ARSB: variants seen among roughly 807,000 people sequenced by gnomAD.
The protein encoded by ARSB is N-acetylgalactosamine-4-sulfatase.
Under a neutral mutation model 50.9 loss-of-function variants are expected in ARSB, and 41 were observed. The ratio of observed to expected loss-of-function variants is 0.81; its 90% confidence interval spans 0.63 to 1.04. The LOEUF (loss-of-function observed/expected upper bound fraction) is 1.04, where lower values mean the gene tolerates loss of function less well. Ranked by LOEUF, ARSB falls within the 50% of genes least tolerant of loss-of-function variation. The pLI is 0.00. For synonymous variants in ARSB, 269 were observed against 284.8 expected (o/e 0.94, Z 0.56); for missense variants, 672 against 693.3 (o/e 0.97, Z 0.35).
chr5:78,902,464 G>A (rs967897296), intron 4 of ARSB, among the ~76,000 whole-genome samples: 2 of 152,134 alleles, frequency 1.3e-5, no homozygotes, highest in Non-Finnish European at 2.9e-5. Flanking sequence ...GGTCATAGCA[G>A]CATTATTCAT....
In ARSB at chr5:78,914,109, T is replaced by C. The variant is rs553590853; in HGVS notation, c.899-28282A>G. 9.2e-5 allele frequency among the ~76,000 whole-genome samples: 14 copies of C among 152,058 alleles called. 1 individual carries two copies. In the South Asian group the frequency reaches 2.7e-3, roughly 29 times the overall value. ...TTCTGAGTAGCTGGGATTACAGATA[T>C]GTGCCACCACACCCAGCTAATATTT... is the stretch of plus-strand genomic sequence containing the variant. On this transcript the variant is annotated intron_variant, in intron 4 of 7. Coordinates refer to ENST00000264914, the MANE Select transcript of ARSB (RefSeq NM_000046.5).
chr5:78,872,172 G>A (rs530171612), intron 5 of ARSB, among the ~76,000 whole-genome samples: 2 of 149,416 alleles, frequency 1.3e-5, no homozygotes, highest in Non-Finnish European at 3.0e-5. Flanking sequence ...AACAACAGGT[G>A]CTGGAGAGGA....
chr5:78,836,878 A>G (rs35201819), intron 6 of ARSB, among the ~76,000 whole-genome samples: 61,142 of 152,002 alleles, frequency 0.4, 12,473 homozygotes, highest in Middle Eastern at 0.44. Flanking sequence ...TACAATCATG[A>G]CAGAAGGTGA....
chr5:78,824,930 A>T (rs1744371889), intron 6 of ARSB, among the ~76,000 whole-genome samples: 1 of 152,250 alleles, frequency 6.6e-6, no homozygotes, highest in South Asian at 2.1e-4. Context: ...TGTGGTTAGT[A>T]ACTCTAAGGA....
intron 4 of ARSB, among the ~76,000 whole-genome samples, chr5:78,915,053 G>C (rs922617976): frequency 6.6e-6 from 1 of 152,154 alleles, no homozygotes. Flanking sequence ...TTTTGAGCTT[G>C]CTCCTTGTTC....
intron 1 of ARSB, among the ~76,000 whole-genome samples, chr5:78,981,862 G>C (rs1012740389): frequency 1.4e-4 from 22 of 152,090 alleles, no homozygotes; most frequent in Admixed American, 1.4e-3. Flanking sequence ...TATGGGAAAG[G>C]GGTCTGTAAA....
chr5:78,837,260 A>G (rs566476719), intron 6 of ARSB, among the ~76,000 whole-genome samples: 1 of 152,330 alleles, frequency 6.6e-6, no homozygotes, highest in Non-Finnish European at 1.5e-5. Context: ...TGGGTGGCAT[A>G]TTCCACATAT....
chr5:78,848,031 AT>A (rs1745531045), intron 5 of ARSB, among the ~76,000 whole-genome samples: 2 of 151,278 alleles, frequency 1.3e-5, no homozygotes, highest in South Asian at 2.1e-4. Flanking sequence ...CTTTTGTATT[AT>A]TTTTTAGCGT....
intron 3 of ARSB, among the ~76,000 whole-genome samples, chr5:78,957,832 T>C (rs958133343): frequency 6.6e-6 from 1 of 152,034 alleles, no homozygotes; most frequent in African/African-American, 2.4e-5. Context: ...CAGTGCAGTA[T>C]GGGTCTGCTC....
chr5:78,833,923 C>T (rs745788345), intron 6 of ARSB, among the ~76,000 whole-genome samples: 1 of 152,124 alleles, frequency 6.6e-6, no homozygotes, highest in South Asian at 2.1e-4. Flanking sequence ...TAATAAGTGA[C>T]TTGTAGCTTC....
At chr5:78,915,872 G>C (rs1298057972) in intron 4 of ARSB, among the ~76,000 whole-genome samples, 1 of 152,186 alleles carries the variant, frequency 6.6e-6, no homozygotes, top group Non-Finnish European at 1.5e-5. Flanking sequence ...GGTCACGTGT[G>C]GAACCTTCCA....
At chr5:78,942,112 T>C (rs893478599) in intron 4 of ARSB, among the ~76,000 whole-genome samples, 3 of 152,242 alleles carry the variant, frequency 2.0e-5, no homozygotes, top group Non-Finnish European at 2.9e-5. Flanking sequence ...TGTATTTCTG[T>C]GGGATCAGTG....
chr5:78,862,379 A>G (rs1249774413), intron 5 of ARSB, among the ~76,000 whole-genome samples: 1 of 152,220 alleles, frequency 6.6e-6, no homozygotes, highest in Non-Finnish European at 1.5e-5. Context: ...ACAAGGCTAC[A>G]GTAACCAAAA....
At chr5:78,955,267 G>A (rs1175833574) in intron 4 of ARSB, 28 bp downstream of exon 4, 1 of 1,608,752 alleles carries the variant, frequency 6.2e-7, no homozygotes, top group Admixed American at 1.7e-5. Context: ...GCTTTGCCAA[G>A]AGATGATTTT....
intron 4 of ARSB, among the ~76,000 whole-genome samples, chr5:78,928,623 C>G (rs115267590): frequency 0.012 from 1,829 of 152,134 alleles, 32 homozygotes; most frequent in African/African-American, 0.042. Flanking sequence ...GCTGCTTTTG[C>G]TATTTTTGTG....
intron 5 of ARSB, among the ~76,000 whole-genome samples, chr5:78,850,825 A>G (rs1419091111): frequency 2.6e-5 from 4 of 152,188 alleles, no homozygotes; most frequent in Admixed American, 2.6e-4. Context: ...CGTTTCTTCT[A>G]GATTTTCTAG....
At chr5:78,844,575 T>C (rs938279433) in intron 5 of ARSB, among the ~76,000 whole-genome samples, 1 of 152,172 alleles carries the variant, frequency 6.6e-6, no homozygotes, top group Non-Finnish European at 1.5e-5. Context: ...TTCTCCTGTG[T>C]TGCTTTTATC....
rs1280430476 is a variant in ARSB, at chr5:78,981,179, T to C, written c.312+3758A>G. On this transcript the variant is annotated intron_variant, in intron 1 of 7. Transcript: ENST00000264914. ...TTTAGCCGGGATGGTCTCGATCTCC[T>C]GACCTCGTGATCCGCCCGCCTCGGC... is the stretch of plus-strand genomic sequence containing the variant. 3.8e-4 allele frequency among the ~76,000 whole-genome samples: 2 copies of C among 5,250 alleles called. 1 individual carries two copies. The highest frequency in any genetic ancestry group is 6.2e-4 in the Non-Finnish European group (2 of 3,232). The allele number at this position is 5,250 out of a possible 152,430, so 3.4% of individuals were successfully genotyped here.
rs550719349 is a variant in ARSB at position 78,964,018 on chromosome 5, CCAAT to C, written c.690+394_690+397del. Among the ~76,000 whole-genome samples the C allele has an allele frequency of 6.6e-5, 10 of 152,216 alleles. No homozygotes were observed. In the East Asian group the frequency reaches 1.7e-3, roughly 26 times the overall value. ...AATAAAGCCTCACCTTACACCTAAG[CCAAT>C]CATTTTTTAAGTCATTTTATTAATT... On this transcript the variant is annotated intron_variant, in intron 3 of 7. Coordinates refer to ENST00000264914, the MANE Select transcript of ARSB (RefSeq NM_000046.5).
Sources: gnomAD v4.1 joint callset for allele counts (sites outside exome capture counted in the v4.1 genomes callset) on GRCh38, gnomAD v4.1.1 for gene constraint, MANE v1.5 for transcripts, NCBI Gene and HGNC (gene_info 2026-07-23, HGNC 2026-07-21) for gene names.